ERBB4: variants seen among roughly 807,000 people sequenced by gnomAD.
ERBB4 encodes erb-b2 receptor tyrosine kinase 4.
ERBB4 carries 42 observed loss-of-function variants against 158.0 expected under a neutral mutation model. The observed-to-expected ratio is 0.27, with a 90% CI of 0.21 to 0.34. ERBB4 has a LOEUF of 0.34. Among genes scored for constraint, ERBB4 ranks in the 10% least tolerant of loss-of-function variants. The probability of loss-of-function intolerance (pLI) is 1.00; values close to 1 mark genes in which losing one functional copy is unlikely to be tolerated. For missense variants in ERBB4, 1,333 were observed against 1,624.1 expected (o/e 0.82, Z 3.08); for synonymous variants, 583 against 558.7 (o/e 1.04, Z -0.61).
intron 20 of ERBB4, among the ~76,000 whole-genome samples, chr2:211,506,641 T>A (rs1232654520): frequency 6.6e-6 from 1 of 152,004 alleles, no homozygotes; most frequent in Non-Finnish European, 1.5e-5. Context: ...ACTAAACAAC[T>A]TATTTCTGAA....
At chr2:211,824,234 G>T (rs1272421952) in intron 3 of ERBB4, among the ~76,000 whole-genome samples, 2 of 151,902 alleles carry the variant, frequency 1.3e-5, no homozygotes, top group Non-Finnish European at 2.9e-5. Context: ...TCAGCTAATT[G>T]CTTTCGAAAA....
intron 3 of ERBB4, among the ~76,000 whole-genome samples, chr2:211,944,296 C>T (rs1031487778): frequency 2.0e-5 from 3 of 148,614 alleles, no homozygotes; most frequent in African/African-American, 5.0e-5. Flanking sequence ...TTCCCATCCC[C>T]ATAATTGTTA....
chr2:212,067,786 T>C (rs2077988023), intron 2 of ERBB4, among the ~76,000 whole-genome samples: 1 of 152,024 alleles, frequency 6.6e-6, no homozygotes, highest in African/African-American at 2.4e-5. Context: ...CCTCTTTCAG[T>C]TGACAGAATA....
intron 3 of ERBB4, among the ~76,000 whole-genome samples, chr2:211,838,958 AG>A (rs2077402057): frequency 6.6e-6 from 1 of 152,150 alleles, no homozygotes; most frequent in South Asian, 2.1e-4. Flanking sequence ...AAAAAAGAAA[AG>A]CAGAAATGAT....
intron 1 of ERBB4, among the ~76,000 whole-genome samples, chr2:212,125,708 T>C (rs1238491726): frequency 6.6e-6 from 1 of 152,236 alleles, no homozygotes; most frequent in East Asian, 1.9e-4. Context: ...CTAAGGATAA[T>C]AGCTTCTAGC....
chr2:211,715,601 A>C (rs1370364702), intron 7 of ERBB4, among the ~76,000 whole-genome samples: 2 of 152,108 alleles, frequency 1.3e-5, no homozygotes, highest in African/African-American at 4.8e-5. Context: ...CTCATGGTTT[A>C]ACACCATCCC....
At chr2:212,228,955 G>A (rs10201835) in intron 1 of ERBB4, among the ~76,000 whole-genome samples, 4 of 152,094 alleles carry the variant, frequency 2.6e-5, no homozygotes, top group South Asian at 2.1e-4. Flanking sequence ...AATGCCTGTC[G>A]TAAAAGAACT....
chr2:212,484,527 C>A (rs868576156), intron 1 of ERBB4, among the ~76,000 whole-genome samples: 1 of 152,210 alleles, frequency 6.6e-6, no homozygotes, highest in Admixed American at 6.5e-5. Flanking sequence ...TACTCAAATT[C>A]TCTTTTCTGA....
chr2:211,495,664 T>C (rs1339819108), intron 20 of ERBB4, among the ~76,000 whole-genome samples: 1 of 152,074 alleles, frequency 6.6e-6, no homozygotes, highest in Non-Finnish European at 1.5e-5. Flanking sequence ...CATCAGTCCA[T>C]GCCAGAAGAC....
intron 25 of ERBB4, among the ~76,000 whole-genome samples, chr2:211,414,901 G>A (rs1349746423): frequency 6.6e-6 from 1 of 151,996 alleles, no homozygotes; most frequent in Non-Finnish European, 1.5e-5. Context: ...AAATTGGACT[G>A]GCAGTAGTAG....
chr2:211,808,757 T>C (rs1055587408), intron 3 of ERBB4, among the ~76,000 whole-genome samples: 2 of 152,242 alleles, frequency 1.3e-5, no homozygotes, highest in Non-Finnish European at 2.9e-5. Flanking sequence ...TTCCTATCCA[T>C]GAGCATTGAT....
chr2:211,746,299 A>G (rs1450559121), intron 5 of ERBB4, among the ~76,000 whole-genome samples: 1 of 152,158 alleles, frequency 6.6e-6, no homozygotes, highest in Non-Finnish European at 1.5e-5. Flanking sequence ...ATAAAATAAA[A>G]TAAAATTTGT....
intron 1 of ERBB4, among the ~76,000 whole-genome samples, chr2:212,238,770 G>T (rs559422291): frequency 6.6e-5 from 10 of 151,992 alleles, no homozygotes; most frequent in African/African-American, 2.4e-4. Flanking sequence ...AAATGATACA[G>T]CTATCAGCAA....
intron 1 of ERBB4, among the ~76,000 whole-genome samples, chr2:212,232,525 C>T (rs993511370): frequency 2.6e-5 from 4 of 152,194 alleles, no homozygotes; most frequent in Non-Finnish European, 5.9e-5. Flanking sequence ...TTTCCTGCCT[C>T]TGCCTTCTGA....
intron 1 of ERBB4, among the ~76,000 whole-genome samples, chr2:212,490,057 T>C (rs989600546): frequency 4.0e-5 from 6 of 151,874 alleles, no homozygotes; most frequent in Admixed American, 3.9e-4. Flanking sequence ...CTCTTACCAC[T>C]ACCTAGAATG....
chr2:211,572,295 A>C (rs1232457969), intron 19 of ERBB4, among the ~76,000 whole-genome samples: 2 of 152,186 alleles, frequency 1.3e-5, no homozygotes, highest in Non-Finnish European at 2.9e-5. Context: ...ATATTGTGAA[A>C]ATTGCAATAA....
intron 2 of ERBB4, among the ~76,000 whole-genome samples, chr2:211,977,531 TAAAAAA>T (rs370595284): frequency 1.5e-5 from 1 of 67,594 alleles, no homozygotes; most frequent in African/African-American, 4.9e-5. Context: ...ATATTGACTT[TAAAAAA>T]AAAAAAAAAA....
At chr2:212,536,275 A>T (rs888511576) in intron 1 of ERBB4, among the ~76,000 whole-genome samples, 1 of 148,476 alleles carries the variant, frequency 6.7e-6, no homozygotes, top group African/African-American at 2.5e-5. Flanking sequence ...CTGCATTAAA[A>T]CCAGCTGAAC....
chr2:212,004,107 A>T (rs549056181), intron 2 of ERBB4, among the ~76,000 whole-genome samples: 1 of 152,308 alleles, frequency 6.6e-6, no homozygotes, highest in South Asian at 2.1e-4. Context: ...GAATATTTTT[A>T]TGATAATAGA....
Sources: gnomAD v4.1 joint callset for allele counts (sites outside exome capture counted in the v4.1 genomes callset) on GRCh38, gnomAD v4.1.1 for gene constraint, MANE v1.5 for transcripts, NCBI Gene and HGNC (gene_info 2026-07-23, HGNC 2026-07-21) for gene names.